Variants in VPS13B observed in about 807,000 individuals in gnomAD.
The protein encoded by VPS13B is vacuolar protein sorting 13 homolog B.
In VPS13B, 285 loss-of-function variants were observed where a neutral mutation model predicts 426.4. The ratio of observed to expected loss-of-function variants is 0.67; its 90% CI spans 0.61 to 0.74. The LOEUF is 0.74. Among genes scored for constraint, VPS13B ranks in the 30% least tolerant of loss-of-function variants. The probability of loss-of-function intolerance (pLI) is 0.00; values close to 1 mark genes in which losing one functional copy is unlikely to be tolerated. For synonymous variants in VPS13B, 1,676 were observed against 1,676.4 expected, an observed-to-expected ratio of 1.00 and a Z score of 0.01; for missense variants, 4,537 against 4,782.6, an observed-to-expected ratio of 0.95 and a Z score of 1.51.
At chr8:99,736,719 C>T (rs1256877835) in intron 39 of VPS13B, among the ~76,000 whole-genome samples, 1 of 151,244 alleles carries the variant, frequency 6.6e-6, no homozygotes, top group African/African-American at 2.4e-5. Context: ...TGGAAAAAAA[C>T]CCTAAGACTT....
At chr8:99,380,452 C>CTGACATCTGCT (rs1442796060) in intron 19 of VPS13B, among the ~76,000 whole-genome samples, 16 of 152,130 alleles carry the variant, frequency 1.1e-4, no homozygotes, top group African/African-American at 3.6e-4. Flanking sequence ...TCTTTCTTTT[C>CTGACATCTGCT]TGACATCTGC....
Position 99,275,157 on chromosome 8 carries a change from G to C in VPS13B, c.2727G>C (p.Trp909Cys). 6.2e-7 allele frequency: 1 copy of C among 1,612,862 alleles called. No homozygotes were observed. The highest frequency in any genetic ancestry group is 8.5e-7 in the Non-Finnish European group (1 of 1,179,376). Residue 909 changes from tryptophan (W) to cysteine (C), a missense_variant, in exon 19 of 62, where the codon TGG (tryptophan) becomes TGC (cysteine). Trp to Cys is a radical substitution (Grantham distance 215). Around this residue, in one of 2 missense-constraint regions of VPS13B, gnomAD observed 4,311 missense variants for 4,474.3 expected, o/e 0.96. Coordinates refer to ENST00000357162, the MANE Select transcript of VPS13B (RefSeq NM_152564.5). ...CTAAAGACCTTCATAGCACCAAGTG[G>C]CTCAATGAGAGTAGAAAGCCAGAGT... ...SDTKDLHSTKWLNESRKPESL... is the reference protein window; with the variant it reads ...SDTKDLHSTKCLNESRKPESL...
chr8:99,699,678 A>C lies in VPS13B; in HGVS notation c.6200A>C (p.Lys2067Thr), dbSNP rs1832189600. The change falls in exon 36 of 62, where the codon AAG becomes ACG. Residue 2067 changes from lysine to threonine, a missense_variant. Around this residue, in one of 2 missense-constraint regions of VPS13B, gnomAD observed 4,311 missense variants for 4,474.3 expected, o/e 0.96. Coordinates refer to ENST00000357162, the MANE Select transcript of VPS13B (RefSeq NM_152564.5). ...GCCATGTCCAACACCATGGTGAATA[A>C]GGATGATCTTCCAGTCTCCAAATAT... Reference protein sequence around the residue: ...TSAMSNTMVNKDDLPVSKYYR... With the variant: ...TSAMSNTMVNTDDLPVSKYYR... 6.2e-7 allele frequency: 1 copy of C among 1,614,094 alleles called. No homozygotes were observed. The highest frequency in any genetic ancestry group is 8.5e-7 in the Non-Finnish European group (1 of 1,180,044).
intron 43 of VPS13B, among the ~76,000 whole-genome samples, chr8:99,802,153 T>TAA (rs570745937): frequency 3.5e-5 from 4 of 112,954 alleles, no homozygotes; most frequent in Admixed American, 8.6e-5. Flanking sequence ...CAGTCTCAAA[T>TAA]AAAAAAAAAA....
At chr8:99,276,321 G>A (rs1818893003) in intron 19 of VPS13B, among the ~76,000 whole-genome samples, 1 of 152,124 alleles carries the variant, frequency 6.6e-6, no homozygotes, top group African/African-American at 2.4e-5. Flanking sequence ...TCAAAGGACA[G>A]CACACCTCAA....
chr8:99,185,241 G>A (rs1051382724), intron 16 of VPS13B, among the ~76,000 whole-genome samples: 6 of 152,200 alleles, frequency 3.9e-5, no homozygotes, highest in African/African-American at 1.4e-4. Context: ...TGCATGAAAT[G>A]AATATACAGA....
At chr8:99,774,504 A>G (rs927978064) in intron 40 of VPS13B, among the ~76,000 whole-genome samples, 2 of 152,184 alleles carry the variant, frequency 1.3e-5, no homozygotes, top group Non-Finnish European at 2.9e-5. Flanking sequence ...AATATTTGCC[A>G]CTCTCAGGAG....
chr8:99,354,400 C>T (rs1812072428), intron 19 of VPS13B, among the ~76,000 whole-genome samples: 1 of 148,018 alleles, frequency 6.8e-6, no homozygotes, highest in South Asian at 2.1e-4. Context: ...GCTGTTTCAT[C>T]AGATTCCTGA....
intron 30 of VPS13B, among the ~76,000 whole-genome samples, chr8:99,534,508 T>G (rs1010933409): frequency 6.6e-6 from 1 of 152,204 alleles, no homozygotes. Context: ...TTCTAATATA[T>G]TTTGGTTATA....
chr8:99,136,109 G>A (rs1810057220), intron 11 of VPS13B, among the ~76,000 whole-genome samples: 1 of 151,860 alleles, frequency 6.6e-6, no homozygotes, highest in Non-Finnish European at 1.5e-5. Context: ...ATATTAATAT[G>A]TTTATGGAAT....
In VPS13B at chr8:99,727,282, TC is replaced by T. The variant is rs1188387857; in HGVS notation, c.7050+6237del. On this transcript the variant is annotated intron_variant, in intron 39 of 61. Coordinates refer to ENST00000357162, the MANE Select transcript of VPS13B (RefSeq NM_152564.5). ...TGTGGAAAGAAGGAAAATAGAATTA[TC>T]CTTTTACTTCAAATGTTAAATCATG... 2.6e-5 allele frequency among the ~76,000 whole-genome samples: 4 copies of T among 152,320 alleles called. No individual in the cohort carries two copies. The East Asian group carries it at 7.7e-4, about 29-fold the overall frequency.
chr8:99,197,047 T>C (rs1452788584), intron 17 of VPS13B, among the ~76,000 whole-genome samples: 1 of 152,230 alleles, frequency 6.6e-6, no homozygotes, highest in African/African-American at 2.4e-5. Flanking sequence ...TGTTGAATTT[T>C]GTCAAATGCC....
At chr8:99,087,497 G>T (rs965631259) in intron 3 of VPS13B, among the ~76,000 whole-genome samples, 2 of 151,882 alleles carry the variant, frequency 1.3e-5, no homozygotes. Flanking sequence ...CCAGTGAGAT[G>T]AACCCGGTAC....
chr8:99,423,858 G>C (rs912936147), intron 21 of VPS13B, among the ~76,000 whole-genome samples: 4 of 152,110 alleles, frequency 2.6e-5, no homozygotes, highest in African/African-American at 9.7e-5. Flanking sequence ...AATAGGTGTG[G>C]TGTGGTGTTG....
intron 17 of VPS13B, among the ~76,000 whole-genome samples, chr8:99,270,396 C>T (rs1236524054): frequency 6.6e-6 from 1 of 151,540 alleles, no homozygotes; most frequent in Non-Finnish European, 1.5e-5. Flanking sequence ...GCCTTGGCCT[C>T]CCAAAGTGTT....
chr8:99,118,985 T>C (rs1216921762), intron 7 of VPS13B, among the ~76,000 whole-genome samples: 1 of 152,230 alleles, frequency 6.6e-6, no homozygotes, highest in Non-Finnish European at 1.5e-5. Context: ...CCATTTTATA[T>C]TCCTATCAAC....
Position 99,688,850 on chromosome 8 carries a change from C to G in VPS13B, c.6047-10675C>G, listed in dbSNP as rs548539677. ...AGGTACAGAAGCTTATATATCATCT[C>G]GAGGTCACAGAAAGAATGAGGCTTG... On this transcript the variant is annotated intron_variant, in intron 35 of 61. Coordinates refer to ENST00000357162, the MANE Select transcript of VPS13B (RefSeq NM_152564.5). Among the ~76,000 whole-genome samples, 650 of 152,036 alleles carry G rather than the reference C, an allele frequency of 4.3e-3. 2 individuals carry two copies. The highest frequency in any genetic ancestry group is 6.7e-3 in the Non-Finnish European group (453 of 68,014).
chr8:99,536,564 G>A (rs1249768002), intron 30 of VPS13B: 2 of 494,502 alleles, frequency 4.0e-6, no homozygotes, highest in Non-Finnish European at 8.4e-6. Flanking sequence ...GTACAACATA[G>A]AGTGCATAGC....
intron 57 of VPS13B, among the ~76,000 whole-genome samples, chr8:99,861,267 G>C (rs1397293294): frequency 6.6e-6 from 1 of 152,150 alleles, no homozygotes; most frequent in African/African-American, 2.4e-5. Flanking sequence ...CTGTGGGCAA[G>C]TGTTCCTCTT....
Sources: gnomAD v4.1 joint callset for allele counts (sites outside exome capture counted in the v4.1 genomes callset) on GRCh38, gnomAD v4.1.1 for gene constraint, gnomAD v4.1.1 regional missense constraint, MANE v1.5 for transcripts, NCBI Gene and HGNC (gene_info 2026-07-23, HGNC 2026-07-21) for gene names.